Variants in PRKDC observed in about 807,000 individuals in gnomAD.
PRKDC encodes DNA-dependent protein kinase catalytic subunit.
In PRKDC, 82 loss-of-function variants were observed where a neutral mutation model predicts 486.9. The ratio of observed to expected loss-of-function variants is 0.17; its 90% confidence interval spans 0.14 to 0.20. The LOEUF (loss-of-function observed/expected upper bound fraction) is 0.20, where lower values mean the gene tolerates loss of function less well. PRKDC is among the 10% of genes least tolerant of loss of function. The probability of loss-of-function intolerance (pLI) is 1.00; values close to 1 mark genes in which losing one functional copy is unlikely to be tolerated. For missense variants in PRKDC, 4,504 were observed against 5,038.2 expected, an observed-to-expected ratio of 0.89 and a Z score of 3.21; for synonymous variants, 1,895 against 1,837.0, an observed-to-expected ratio of 1.03 and a Z score of -0.81.
At chr8:47,862,352 C>T (rs747886933) in intron 43 of PRKDC, 21 bp downstream of exon 43, 2 of 1,602,830 alleles carry the variant, frequency 1.2e-6, no homozygotes, top group East Asian at 2.2e-5. Flanking sequence ...AACAATAGTG[C>T]ACACCGTAGG....
At chr8:47,866,033 G>C (rs771879682) in intron 40 of PRKDC, among the ~76,000 whole-genome samples, 7 of 151,834 alleles carry the variant, frequency 4.6e-5, no homozygotes, top group Non-Finnish European at 1.0e-4. Flanking sequence ...GCAAATGCCT[G>C]TAAACCCAGC....
rs750103974 is a variant in PRKDC at position 47,778,718 on chromosome 8, G to A, written c.11651+10C>T. ...GATCCCACTAAGGGTGAGGGCAGAA[G>A]GGTACTTACTTTAAGAGATCAGCAG... is the stretch of plus-strand genomic sequence containing the variant. On this transcript the variant is annotated intron_variant, in intron 82 of 85. Transcript: ENST00000314191. The A allele has an allele frequency of 6.2e-7, 1 of 1,613,632 alleles. No homozygotes were observed. The highest frequency in any genetic ancestry group is 1.3e-5 in the African/African-American group (1 of 75,046).
chr8:47,942,746 C>A (rs148170115), intron 10 of PRKDC, among the ~76,000 whole-genome samples: 1 of 152,236 alleles, frequency 6.6e-6, no homozygotes, highest in Admixed American at 6.5e-5. Context: ...GCCGACCAGA[C>A]AAGCTTCCAC....
intron 67 of PRKDC, among the ~76,000 whole-genome samples, chr8:47,818,899 G>C (rs1271952719): frequency 6.6e-6 from 1 of 150,466 alleles, no homozygotes; most frequent in Non-Finnish European, 1.5e-5. Context: ...ATAGGCACTG[G>C]GATAAAACCC....
chr8:47,830,622 A>G lies in PRKDC; in HGVS notation c.8380T>C (p.Leu2794=), dbSNP rs2087843951. 3.1e-6 allele frequency: 5 copies of G among 1,613,882 alleles called. No individual in the cohort carries two copies. Among genetic ancestry groups the G allele is most frequent in the Non-Finnish European group, 4.2e-6 (5 of 1,179,820 alleles). The change falls in exon 61 of 86, where the codon TTA becomes CTA. Residue 2794 remains leucine (L), a synonymous_variant. Coordinates refer to ENST00000314191, the MANE Select transcript of PRKDC (RefSeq NM_006904.7). ...QIKHSSLITP[L]QAVAQRDPII... ...AAACTGACCTGGGCCACGGCCTGTA[A>G]CGGGGTGATGAGGCTGCTGTGCTTG...
intron 7 of PRKDC, among the ~76,000 whole-genome samples, chr8:47,951,176 A>C (rs905177616): frequency 6.6e-6 from 1 of 152,082 alleles, no homozygotes; most frequent in Non-Finnish European, 1.5e-5. Flanking sequence ...CCTGGGCAAC[A>C]TGGGGAAACC....
chr8:47,820,997 TA>T, intron 65 of PRKDC, 54 bp from the exon 66 acceptor site: 1 of 1,107,908 alleles, frequency 9.0e-7, no homozygotes, highest in Non-Finnish European at 1.3e-6. Flanking sequence ...TGAGTATGTC[TA>T]ATTATTTTAT....
intron 76 of PRKDC, among the ~76,000 whole-genome samples, chr8:47,787,905 A>G (rs1202968737): frequency 6.6e-6 from 1 of 152,164 alleles, no homozygotes; most frequent in African/African-American, 2.4e-5. Context: ...TATATGTAAA[A>G]CTACTGCATT....
chr8:47,953,642 G>A lies in PRKDC; in HGVS notation c.699C>T (p.Asn233=). ...CLKGLSSLLC[N]FTKSMEEDPQ... ...TACCTTCTTCCATGGACTTAGTGAA[G>A]TTGCACAGAAGTGAGGACAACCCCT... Residue 233 remains asparagine (N), a synonymous_variant, in exon 7 of 86, where the codon AAC becomes AAT. Coordinates refer to ENST00000314191, the MANE Select transcript of PRKDC (RefSeq NM_006904.7). 1 of 1,613,444 alleles carries A rather than the reference G, an allele frequency of 6.2e-7. No homozygotes were observed. Among genetic ancestry groups the A allele is most frequent in the Non-Finnish European group, 8.5e-7 (1 of 1,179,640 alleles).
chr8:47,948,125 C>CACACCG (rs569295816), intron 7 of PRKDC, among the ~76,000 whole-genome samples: 3 of 150,708 alleles, frequency 2.0e-5, no homozygotes, highest in African/African-American at 4.9e-5. Flanking sequence ...CACACACACA[C>CACACCG]GCGTTTATAT....
chr8:47,934,882 G>A (rs2090322188), intron 14 of PRKDC, 127 bp downstream of exon 14: 2 of 634,768 alleles, frequency 3.2e-6, no homozygotes, highest in African/African-American at 3.7e-5. Flanking sequence ...TTTTCAAAAT[G>A]TAAGGCATTG....
intron 25 of PRKDC, among the ~76,000 whole-genome samples, chr8:47,909,303 C>G (rs941549974): frequency 1.3e-5 from 2 of 152,208 alleles, no homozygotes; most frequent in African/African-American, 2.4e-5. Flanking sequence ...ATTTCTTACA[C>G]CTCTCTTTAC....
chr8:47,926,587 G>T (rs180703735), intron 21 of PRKDC, among the ~76,000 whole-genome samples: 11 of 152,032 alleles, frequency 7.2e-5, no homozygotes, highest in African/African-American at 2.7e-4. Context: ...TGCTTGCATC[G>T]GATGACAATG....
intron 40 of PRKDC, among the ~76,000 whole-genome samples, chr8:47,873,444 T>C (rs1366797423): frequency 6.6e-6 from 1 of 151,666 alleles, no homozygotes; most frequent in Non-Finnish European, 1.5e-5. Context: ...GGAGGGAAGC[T>C]GAGACAGAAG....
At chr8:47,798,990 T>C (rs184973336) in intron 72 of PRKDC, among the ~76,000 whole-genome samples, 12 of 152,268 alleles carry the variant, frequency 7.9e-5, no homozygotes, top group African/African-American at 2.9e-4. Flanking sequence ...TTTGTATTCT[T>C]AGTAGAGTTG....
chr8:47,830,855 T>G, intron 60 of PRKDC, 119 bp from the exon 61 acceptor site: 3 of 1,255,458 alleles, frequency 2.4e-6, no homozygotes, highest in Non-Finnish European at 3.4e-6. Flanking sequence ...TGGGAACTGA[T>G]GCTCGCAGAG....
At chr8:47,791,685 A>C (rs528581228) in intron 74 of PRKDC, among the ~76,000 whole-genome samples, 6 of 152,310 alleles carry the variant, frequency 3.9e-5, no homozygotes, top group Admixed American at 2.0e-4. Context: ...ACGAGGTATC[A>C]TCTCACCCCC....
At chr8:47,808,308 G>A (rs1191121485) in intron 68 of PRKDC, among the ~76,000 whole-genome samples, 1 of 151,834 alleles carries the variant, frequency 6.6e-6, no homozygotes, top group Admixed American at 6.6e-5. Context: ...ACCGCATCAA[G>A]CTAAGTTTTA....
intron 36 of PRKDC, among the ~76,000 whole-genome samples, chr8:47,882,547 A>G (rs532250857): frequency 6.6e-5 from 10 of 152,020 alleles, no homozygotes; most frequent in Non-Finnish European, 4.4e-5. Flanking sequence ...ACCCAAGCAC[A>G]TACTTCCGGT....
Sources: gnomAD v4.1 joint callset for allele counts (sites outside exome capture counted in the v4.1 genomes callset) on GRCh38, gnomAD v4.1.1 for gene constraint, MANE v1.5 for transcripts, NCBI Gene and HGNC (gene_info 2026-07-23, HGNC 2026-07-21) for gene names.